HS3ST5: variants seen among roughly 807,000 people sequenced by gnomAD.
HS3ST5 encodes the protein heparan sulfate glucosamine 3-O-sulfotransferase 5.
A neutral mutation model predicts 25.4 loss-of-function variants in HS3ST5; 10 were observed. The observed-to-expected ratio is 0.39, with a 90% CI of 0.24 to 0.67. The LOEUF is 0.67. Among genes scored for constraint, HS3ST5 ranks in the 30% least tolerant of loss-of-function variants. The pLI is 0.44. For synonymous variants in HS3ST5, 170 were observed against 162.4 expected, an observed-to-expected ratio of 1.05 and a Z score of -0.36; for missense variants, 324 against 420.7, an observed-to-expected ratio of 0.77 and a Z score of 2.01.
chr6:114,328,108 T>C (rs1044770148), intron 1 of HS3ST5, among the ~76,000 whole-genome samples: 3 of 152,184 alleles, frequency 2.0e-5, no homozygotes, highest in African/African-American at 7.2e-5. Context: ...TTGTAAAATT[T>C]AGAGTTTATA....
intron 3 of HS3ST5, among the ~76,000 whole-genome samples, chr6:114,164,414 G>T (rs1037145192): frequency 3.3e-5 from 5 of 152,136 alleles, no homozygotes; most frequent in African/African-American, 1.2e-4. Flanking sequence ...TATGAACAAA[G>T]TCCAATGTGT....
chr6:114,141,066 A>T (rs1777879282), intron 3 of HS3ST5, among the ~76,000 whole-genome samples: 1 of 152,218 alleles, frequency 6.6e-6, no homozygotes, highest in Non-Finnish European at 1.5e-5. Flanking sequence ...TGAGTGCATT[A>T]TACATACTTT....
chr6:114,243,639 T>C (rs1051715839), intron 1 of HS3ST5, among the ~76,000 whole-genome samples: 1 of 152,226 alleles, frequency 6.6e-6, no homozygotes, highest in African/African-American at 2.4e-5. Flanking sequence ...GTTGTTGTTG[T>C]TGAGGGAAAG....
intron 1 of HS3ST5, among the ~76,000 whole-genome samples, chr6:114,336,213 T>G (rs1469050337): frequency 6.6e-6 from 1 of 152,252 alleles, no homozygotes. Context: ...TACTACTTTC[T>G]GAATTTTTAC....
At chr6:114,222,786 C>A (rs1327976557) in intron 2 of HS3ST5, among the ~76,000 whole-genome samples, 1 of 151,668 alleles carries the variant, frequency 6.6e-6, no homozygotes, top group Non-Finnish European at 1.5e-5. Flanking sequence ...TTTTAGCTAA[C>A]CTGAGGAAAC....
intron 1 of HS3ST5, among the ~76,000 whole-genome samples, chr6:114,292,349 G>A (rs1774616899): frequency 6.6e-6 from 1 of 152,184 alleles, no homozygotes; most frequent in East Asian, 1.9e-4. Flanking sequence ...AAGGGCAAGA[G>A]AGGACAAAAT....
At chr6:114,125,606 A>G (rs1776999913) in intron 3 of HS3ST5, among the ~76,000 whole-genome samples, 1 of 152,198 alleles carries the variant, frequency 6.6e-6, no homozygotes, top group African/African-American at 2.4e-5. Context: ...CCTATAATGG[A>G]GCCTTATATC....
At chr6:114,314,825 C>G (rs2114857658) in intron 1 of HS3ST5, among the ~76,000 whole-genome samples, 1 of 152,222 alleles carries the variant, frequency 6.6e-6, no homozygotes, top group South Asian at 2.1e-4. Context: ...TTTATTTATG[C>G]TGAGCACTCA....
intron 2 of HS3ST5, among the ~76,000 whole-genome samples, chr6:114,189,836 G>T (rs945631899): frequency 6.6e-6 from 1 of 152,150 alleles, no homozygotes; most frequent in African/African-American, 2.4e-5. Context: ...TTTGAATAAA[G>T]AACTTGTGAG....
intron 3 of HS3ST5, among the ~76,000 whole-genome samples, chr6:114,136,530 T>C (rs1777623412): frequency 6.6e-6 from 1 of 152,246 alleles, no homozygotes. Context: ...TAATACACCC[T>C]GTATCTCTCA....
intron 1 of HS3ST5, among the ~76,000 whole-genome samples, chr6:114,334,500 C>T (rs1311282125): frequency 1.3e-5 from 2 of 152,198 alleles, no homozygotes; most frequent in South Asian, 2.1e-4. Context: ...AACATCGTTT[C>T]GGCCAATGAC....
chr6:114,182,468 A>C lies in HS3ST5; in HGVS notation c.-144-14006T>G, dbSNP rs1780018987. On this transcript the variant is annotated intron_variant, in intron 2 of 4. Coordinates refer to ENST00000312719, the MANE Select transcript of HS3ST5 (RefSeq NM_153612.4). ...GAGTTCTTGCTTTGGCCCTAGAATT[A>C]AATAGCTCTGATACGTTAAGCAGAT... Among the ~76,000 whole-genome samples, 3 of 152,340 alleles carry C rather than the reference A, an allele frequency of 2.0e-5. No homozygotes were observed. The South Asian group carries it at 6.2e-4, about 32-fold the overall frequency.
At chr6:114,073,383 A>T (rs188615558) in intron 3 of HS3ST5, among the ~76,000 whole-genome samples, 1 of 152,330 alleles carries the variant, frequency 6.6e-6, no homozygotes, top group East Asian at 1.9e-4. Context: ...AATTTTTGCA[A>T]TGTATCCACC....
chr6:114,127,261 G>A (rs1393635467), intron 3 of HS3ST5, among the ~76,000 whole-genome samples: 1 of 152,062 alleles, frequency 6.6e-6, no homozygotes, highest in African/African-American at 2.4e-5. Flanking sequence ...TCCGTTATTG[G>A]AAGAAAATTC....
intron 3 of HS3ST5, chr6:114,084,484 C>A: frequency 1.3e-6 from 1 of 757,882 alleles, no homozygotes; most frequent in Non-Finnish European, 2.4e-6. Context: ...CGGGTATTCA[C>A]GGGAAATGGT....
At chr6:114,324,933 A>G (rs1466025158) in intron 1 of HS3ST5, among the ~76,000 whole-genome samples, 1 of 152,234 alleles carries the variant, frequency 6.6e-6, no homozygotes, top group Non-Finnish European at 1.5e-5. Flanking sequence ...TGACTGGTTA[A>G]TAAAGTACTG....
intron 2 of HS3ST5, among the ~76,000 whole-genome samples, chr6:114,205,766 T>C (rs1781251077): frequency 6.6e-6 from 1 of 152,128 alleles, no homozygotes; most frequent in African/African-American, 2.4e-5. Flanking sequence ...CTACTTCAGA[T>C]CATCAGGCAT....
At chr6:114,283,834 A>G (rs1001690047) in intron 1 of HS3ST5, among the ~76,000 whole-genome samples, 1 of 152,058 alleles carries the variant, frequency 6.6e-6, no homozygotes, top group East Asian at 1.9e-4. Flanking sequence ...AAAATGATAC[A>G]TTTGCAAAAA....
At chr6:114,334,345 G>A (rs560595698) in intron 1 of HS3ST5, among the ~76,000 whole-genome samples, 1 of 152,246 alleles carries the variant, frequency 6.6e-6, no homozygotes, top group South Asian at 2.1e-4. Context: ...CTATATTGTT[G>A]CATTCAGCTC....
Sources: gnomAD v4.1 joint callset for allele counts (sites outside exome capture counted in the v4.1 genomes callset) on GRCh38, gnomAD v4.1.1 for gene constraint, MANE v1.5 for transcripts, NCBI Gene and HGNC (gene_info 2026-07-23, HGNC 2026-07-21) for gene names.